Variants in TRPS1 observed in about 807,000 individuals in gnomAD.
TRPS1 encodes transcriptional repressor GATA binding 1.
TRPS1 carries 6 observed loss-of-function variants against 101.2 expected under a neutral mutation model. That is an observed-to-expected ratio of 0.06 (90% CI 0.03 to 0.12). The LOEUF is 0.12. Ranked by LOEUF, TRPS1 falls within the 10% of genes least tolerant of loss-of-function variation. The probability of loss-of-function intolerance (pLI) is 1.00; values close to 1 mark genes in which losing one functional copy is unlikely to be tolerated. For synonymous variants in TRPS1, 578 were observed against 589.8 expected, an observed-to-expected ratio of 0.98 and a Z score of 0.29; for missense variants, 1,363 against 1,567.0, an observed-to-expected ratio of 0.87 and a Z score of 2.20.
chr8:115,612,921 G>A (rs1051889994), intron 3 of TRPS1, among the ~76,000 whole-genome samples: 29 of 152,108 alleles, frequency 1.9e-4, no homozygotes, highest in African/African-American at 1.7e-4. Flanking sequence ...GAATGTAGGC[G>A]GAGGATAAAA....
intron 1 of TRPS1, among the ~76,000 whole-genome samples, chr8:115,664,471 G>T (rs1811877786): frequency 6.6e-6 from 1 of 151,986 alleles, no homozygotes; most frequent in African/African-American, 2.4e-5. Context: ...AATAACAAAA[G>T]ATAAATGTCA....
chr8:115,633,068 G>A (rs1027140731), intron 1 of TRPS1, among the ~76,000 whole-genome samples: 4 of 152,080 alleles, frequency 2.6e-5, no homozygotes, highest in Admixed American at 6.6e-5. Context: ...TTTGAGCTGC[G>A]ATATTTTGAT....
In TRPS1 at chr8:115,587,350, T is replaced by G. The variant is rs1267065479; in HGVS notation, c.2351A>C (p.Glu784Ala). Residue 784 changes from glutamate (E) to alanine (A), a missense_variant, in exon 5 of 7, where the codon GAA becomes GCA. Glu to Ala is a moderately radical substitution (Grantham distance 107). This residue lies in a region of TRPS1 where 1,020 missense variants were observed against 1,073.0 expected (regional missense o/e 0.95). Coordinates refer to ENST00000395715, the MANE Select transcript of TRPS1 (RefSeq NM_014112.5). ...TTTCTCTTTGAGCCCGTCCTTCTCTTCCAGCTTCTCTCTCTTCACCACACT... is the reference window on the plus strand; with the variant it reads ...TTTCTCTTTGAGCCCGTCCTTCTCTGCCAGCTTCTCTCTCTTCACCACACT... ...SESVVKREKL[E>A]EKDGLKEKVW... 4 of 1,614,206 alleles carry G rather than the reference T, an allele frequency of 2.5e-6. No individual in the cohort carries two copies. In the South Asian group the frequency reaches 4.4e-5, roughly 18 times the overall value.
At chr8:115,498,637 G>C (rs766671047) in intron 5 of TRPS1, among the ~76,000 whole-genome samples, 11 of 151,540 alleles carry the variant, frequency 7.3e-5, no homozygotes, top group African/African-American at 2.7e-4. Context: ...GAATCCTGTA[G>C]CTACAAAATT....
intron 5 of TRPS1, among the ~76,000 whole-genome samples, chr8:115,441,414 T>C (rs555320955): frequency 8.5e-5 from 13 of 152,356 alleles, no homozygotes; most frequent in Admixed American, 7.8e-4. Context: ...ACGAAATACA[T>C]ATTTCTGTAC....
intron 5 of TRPS1, among the ~76,000 whole-genome samples, chr8:115,549,895 C>T (rs1816664105): frequency 6.6e-6 from 1 of 152,044 alleles, no homozygotes; most frequent in Admixed American, 6.6e-5. Context: ...TCTCTCCTTG[C>T]TCTATTAAAG....
chr8:115,595,390 A>G (rs1329910869), intron 4 of TRPS1, among the ~76,000 whole-genome samples: 2 of 151,954 alleles, frequency 1.3e-5, no homozygotes, highest in African/African-American at 2.4e-5. Context: ...TGAGAACTGT[A>G]AACTAGTTAA....
intron 4 of TRPS1, among the ~76,000 whole-genome samples, chr8:115,597,523 A>G: frequency 6.6e-6 from 1 of 152,126 alleles, no homozygotes; most frequent in East Asian, 1.9e-4. Flanking sequence ...GTGCTTCAAA[A>G]GCATGTACAT....
intron 1 of TRPS1, among the ~76,000 whole-genome samples, chr8:115,624,140 G>A (rs536851680): frequency 3.1e-4 from 28 of 89,498 alleles, no homozygotes; most frequent in Non-Finnish European, 4.7e-4. Context: ...ATTAAAATAC[G>A]TAATCACAAC....
At chr8:115,500,355 G>T (rs1047713891) in intron 5 of TRPS1, among the ~76,000 whole-genome samples, 1 of 151,866 alleles carries the variant, frequency 6.6e-6, no homozygotes, top group African/African-American at 2.4e-5. Context: ...AAAAAGTTCA[G>T]GGTCATTCGT....
intron 4 of TRPS1, among the ~76,000 whole-genome samples, chr8:115,601,202 G>T (rs1817899832): frequency 6.6e-6 from 1 of 152,132 alleles, no homozygotes; most frequent in Non-Finnish European, 1.5e-5. Flanking sequence ...GCACTCAAAA[G>T]CCTAGAATAT....
chr8:115,519,623 TG>T (rs1037496633), intron 5 of TRPS1, among the ~76,000 whole-genome samples: 47 of 151,716 alleles, frequency 3.1e-4, no homozygotes, highest in African/African-American at 1.1e-3. Context: ...CTAAATTATT[TG>T]GTCAGAAAAT....
At chr8:115,568,582 GCATGAGATATAAAACGTGCCA>G (rs1439265558) in intron 5 of TRPS1, among the ~76,000 whole-genome samples, 3 of 151,722 alleles carry the variant, frequency 2.0e-5, no homozygotes, top group Non-Finnish European at 4.4e-5. Context: ...CTAGTTTCTG[GCATGAGATATAAAACGTGCCA>G]CTGCTCTAAA....
chr8:115,469,169 C>T (rs140074891), intron 5 of TRPS1, among the ~76,000 whole-genome samples: 29 of 152,188 alleles, frequency 1.9e-4, no homozygotes, highest in African/African-American at 6.3e-4. Flanking sequence ...AAAACATACA[C>T]ACACACATGC....
intron 5 of TRPS1, among the ~76,000 whole-genome samples, chr8:115,472,146 T>C (rs1265380614): frequency 1.3e-5 from 2 of 152,246 alleles, no homozygotes; most frequent in Non-Finnish European, 2.9e-5. Context: ...TGCATTGCCC[T>C]AGCAGAGGTT....
intron 1 of TRPS1, among the ~76,000 whole-genome samples, chr8:115,629,890 G>T (rs1365197335): frequency 6.6e-6 from 1 of 151,808 alleles, no homozygotes; most frequent in East Asian, 1.9e-4. Context: ...AATGCCTGGG[G>T]TCACAATCAG....
intron 5 of TRPS1, among the ~76,000 whole-genome samples, chr8:115,570,441 A>G (rs954524315): frequency 3.3e-5 from 5 of 152,104 alleles, no homozygotes; most frequent in East Asian, 1.9e-4. Flanking sequence ...ATTCTATTCC[A>G]TTAAAGATAT....
At chr8:115,474,366 A>G (rs966238249) in intron 5 of TRPS1, among the ~76,000 whole-genome samples, 8 of 152,046 alleles carry the variant, frequency 5.3e-5, no homozygotes, top group South Asian at 4.1e-4. Flanking sequence ...TGAGACCATG[A>G]GAAAATTCTC....
intron 5 of TRPS1, among the ~76,000 whole-genome samples, chr8:115,437,702 G>C (rs538270978): frequency 7.6e-4 from 116 of 152,184 alleles, no homozygotes; most frequent in Non-Finnish European, 1.5e-3. Flanking sequence ...AATAGGATTG[G>C]GGGGGCAGGG....
Sources: allele counts gnomAD v4.1 joint callset (sites outside exome capture counted in the v4.1 genomes callset), GRCh38; gene constraint gnomAD v4.1.1; regional missense constraint gnomAD v4.1.1; transcripts MANE v1.5; gene names NCBI Gene and HGNC (gene_info 2026-07-23, HGNC 2026-07-21).